ANTXR1: variants seen among roughly 807,000 people sequenced by gnomAD.
ANTXR1 encodes ANTXR cell adhesion molecule 1.
In ANTXR1, 19 loss-of-function variants were observed where a neutral mutation model predicts 78.1. That is an observed-to-expected ratio of 0.24 (90% confidence interval 0.17 to 0.36). ANTXR1 has a LOEUF of 0.36. Ranked by LOEUF, ANTXR1 falls within the 10% of genes least tolerant of loss-of-function variation. ANTXR1 has a pLI of 1.00. For synonymous variants in ANTXR1, 273 were observed against 260.5 expected (o/e 1.05, Z -0.46); for missense variants, 518 against 718.6 (o/e 0.72, Z 3.19).
At chr2:69,222,614 G>A (rs1675345927) in intron 17 of ANTXR1, among the ~76,000 whole-genome samples, 1 of 152,222 alleles carries the variant, frequency 6.6e-6, no homozygotes, top group Admixed American at 6.5e-5. Context: ...ACCGGAAGGG[G>A]GCTGGGGGTG....
Position 69,248,476 on chromosome 2 carries a change from T to C in ANTXR1, c.*2991T>C, listed in dbSNP as rs1398407945. ...TTAATAAGAACCTTGATAAGAACCA[T>C]ATTCTGTTGACAGCCAGCTCACAGT... On this transcript the variant is annotated 3_prime_UTR_variant, in exon 18 of 18. Coordinates refer to ENST00000303714, the MANE Select transcript of ANTXR1 (RefSeq NM_032208.3). The C allele has an allele frequency of 6.5e-6, 1 of 152,714 alleles. No homozygotes were observed. The highest frequency in any genetic ancestry group is 1.9e-4 in the East Asian group (1 of 5,198). 9.5% of individuals were successfully genotyped at this position (152,714 alleles called of 1,614,324 possible).
intron 11 of ANTXR1, 107 bp downstream of exon 11, chr2:69,123,193 G>T (rs1383509245): frequency 2.5e-6 from 3 of 1,195,338 alleles, no homozygotes; most frequent in African/African-American, 1.5e-5. Flanking sequence ...CTTTCTCTAG[G>T]TTCCTCCAGC....
At chr2:69,243,515 G>C (rs1001164327) in intron 17 of ANTXR1, among the ~76,000 whole-genome samples, 1 of 152,158 alleles carries the variant, frequency 6.6e-6, no homozygotes, top group Non-Finnish European at 1.5e-5. Flanking sequence ...TGACTTGAAG[G>C]ATGCACAGGG....
At chr2:69,186,250 CAAG>C (rs1417461021) in intron 16 of ANTXR1, among the ~76,000 whole-genome samples, 4 of 152,186 alleles carry the variant, frequency 2.6e-5, no homozygotes, top group African/African-American at 9.7e-5. Context: ...TTAGATGCAA[CAAG>C]AAGGATAGAA....
At chr2:69,103,082 T>G (rs1440636116) in intron 10 of ANTXR1, 142 bp downstream of exon 10, 1 of 879,310 alleles carries the variant, frequency 1.1e-6, no homozygotes, top group Non-Finnish European at 1.9e-6. Flanking sequence ...AGCAAGGGCA[T>G]AGTGAGCCCT....
intron 17 of ANTXR1, among the ~76,000 whole-genome samples, chr2:69,225,823 C>T (rs1675437469): frequency 1.3e-5 from 2 of 152,160 alleles, no homozygotes; most frequent in Admixed American, 1.3e-4. Context: ...TCCAGAGCTT[C>T]TTTTAGGCCA....
chr2:69,067,317 A>AAAAAG (rs1346654943), intron 3 of ANTXR1, among the ~76,000 whole-genome samples: 1 of 152,014 alleles, frequency 6.6e-6, no homozygotes, highest in African/African-American at 2.4e-5. Context: ...AAAAAAAAAA[A>AAAAAG]AAAAGTCAAG....
At chr2:69,029,678 T>A (rs7589216) in intron 1 of ANTXR1, among the ~76,000 whole-genome samples, 38,044 of 151,896 alleles carry the variant, frequency 0.25, 8,773 homozygotes, top group East Asian at 0.63. Context: ...TTGAGTGAAA[T>A]GTGATTTTAA....
At chr2:69,122,116 T>C (rs1389862347) in intron 10 of ANTXR1, among the ~76,000 whole-genome samples, 1 of 152,238 alleles carries the variant, frequency 6.6e-6, no homozygotes, top group Non-Finnish European at 1.5e-5. Context: ...TCAAAGAACT[T>C]GACCAAACTT....
chr2:69,219,422 C>CACACACA (rs58106996), intron 17 of ANTXR1, among the ~76,000 whole-genome samples: 13 of 150,646 alleles, frequency 8.6e-5, no homozygotes, highest in South Asian at 2.1e-4. Context: ...CACACACACA[C>CACACACA]CCTACTGATG....
At chr2:69,111,541 AT>A (rs1457871768) in intron 10 of ANTXR1, among the ~76,000 whole-genome samples, 1 of 152,272 alleles carries the variant, frequency 6.6e-6, no homozygotes, top group Non-Finnish European at 1.5e-5. Flanking sequence ...AATCAGATTC[AT>A]TATATTATAG....
At chr2:69,136,949 G>A (rs748664976) in intron 12 of ANTXR1, among the ~76,000 whole-genome samples, 1 of 152,136 alleles carries the variant, frequency 6.6e-6, no homozygotes, top group Non-Finnish European at 1.5e-5. Context: ...GGTAGTACTG[G>A]AGAGAAATCA....
rs72827693 is a variant in ANTXR1, at chr2:69,205,607, T to A, written c.1434+12192T>A. Among the ~76,000 whole-genome samples the A allele has an allele frequency of 3.8e-3, 558 of 148,360 alleles. 2 individuals are homozygous for A. Among genetic ancestry groups the A allele is most frequent in the East Asian group, 5.0e-3 (25 of 5,040 alleles). ...GAACCATGGCTTTTTTTTTTTTTTTTAACTTTCCCTCACAGCACTGAGGAC... is the reference window on the plus strand; with the variant it reads ...GAACCATGGCTTTTTTTTTTTTTTTAAACTTTCCCTCACAGCACTGAGGAC... On this transcript the variant is annotated intron_variant, in intron 17 of 17. Transcript: ENST00000303714.
intron 17 of ANTXR1, among the ~76,000 whole-genome samples, chr2:69,234,024 A>T (rs1242018365): frequency 1.3e-5 from 2 of 152,184 alleles, no homozygotes; most frequent in Non-Finnish European, 2.9e-5. Flanking sequence ...CTATTGATGG[A>T]TGAGAAAACA....
intron 13 of ANTXR1, among the ~76,000 whole-genome samples, chr2:69,169,926 C>T (rs767735700): frequency 7.9e-5 from 12 of 152,194 alleles, no homozygotes; most frequent in African/African-American, 2.7e-4. Flanking sequence ...GTGAATGACT[C>T]GGTGAATAAA....
intron 17 of ANTXR1, among the ~76,000 whole-genome samples, chr2:69,220,448 A>T (rs1302081245): frequency 6.6e-6 from 1 of 152,228 alleles, no homozygotes; most frequent in Non-Finnish European, 1.5e-5. Flanking sequence ...GTAGGTAAAT[A>T]GACAAAGACT....
At chr2:69,053,999 T>C (rs1670001442) in intron 3 of ANTXR1, among the ~76,000 whole-genome samples, 1 of 152,198 alleles carries the variant, frequency 6.6e-6, no homozygotes, top group African/African-American at 2.4e-5. Context: ...TGTACATATA[T>C]ATGCATATGT....
At chr2:69,233,348 G>T (rs1402966734) in intron 17 of ANTXR1, among the ~76,000 whole-genome samples, 4 of 151,746 alleles carry the variant, frequency 2.6e-5, no homozygotes, top group Admixed American at 2.6e-4. Context: ...GAATTTGGGT[G>T]CAAAAATCCT....
rs1001698969 is a variant in ANTXR1 at position 69,038,107 on chromosome 2, C to G, written c.153-1937C>G. On this transcript the variant is annotated intron_variant, in intron 1 of 17. Coordinates refer to ENST00000303714, the MANE Select transcript of ANTXR1 (RefSeq NM_032208.3). ...CCCCCCTTCACAGCCTGCACCAGCACAGAGAGCCATTCCCCTTTTCTTTTT... is the reference window on the plus strand; with the variant it reads ...CCCCCCTTCACAGCCTGCACCAGCAGAGAGAGCCATTCCCCTTTTCTTTTT... Among the ~76,000 whole-genome samples, 6 of 152,212 alleles carry G rather than the reference C, an allele frequency of 3.9e-5. No individual in the cohort carries two copies. The East Asian group carries it at 5.8e-4, about 15-fold the overall frequency.
Sources: gnomAD v4.1 joint callset for allele counts (sites outside exome capture counted in the v4.1 genomes callset) on GRCh38, gnomAD v4.1.1 for gene constraint, MANE v1.5 for transcripts, NCBI Gene and HGNC (gene_info 2026-07-23, HGNC 2026-07-21) for gene names.